Variants in OVOL2 observed in about 807,000 individuals in gnomAD.
The protein encoded by OVOL2 is ovo like zinc finger 2, also known as transcription factor Ovo-like 2.
Under a neutral mutation model 18.1 loss-of-function variants are expected in OVOL2, and 13 were observed. The observed-to-expected ratio is 0.72, with a 90% CI of 0.47 to 1.14. The LOEUF (loss-of-function observed/expected upper bound fraction) is 1.14, where lower values mean the gene tolerates loss of function less well. Ranked by LOEUF, OVOL2 falls within the 50% of genes most tolerant of loss-of-function variation. The probability of loss-of-function intolerance (pLI) is 0.00; values close to 1 mark genes in which losing one functional copy is unlikely to be tolerated. For synonymous variants in OVOL2, 166 were observed against 162.7 expected (o/e 1.02, Z -0.16); for missense variants, 335 against 383.0 (o/e 0.87, Z 1.05).
chr20:18,051,197 G>A (rs1009215783), intron 2 of OVOL2, among the ~76,000 whole-genome samples: 4 of 151,968 alleles, frequency 2.6e-5, no homozygotes, highest in African/African-American at 9.7e-5. Context: ...GCAACATAGT[G>A]AGGCCCTGTC....
chr20:18,036,918 C>T (rs1456908460), intron 3 of OVOL2, among the ~76,000 whole-genome samples: 3 of 152,074 alleles, frequency 2.0e-5, no homozygotes, highest in South Asian at 2.1e-4. Context: ...GGGCGGATCA[C>T]GAGGTCAGGA....
chr20:18,055,509 C>T (rs2036813147), intron 2 of OVOL2, among the ~76,000 whole-genome samples: 1 of 152,200 alleles, frequency 6.6e-6, no homozygotes, highest in South Asian at 2.1e-4. Context: ...GTTTCGGCAG[C>T]TTCTTCTTTA....
Position 18,056,586 on chromosome 20 carries a change from G to A in OVOL2, c.321+71C>T. 7.7e-7 allele frequency: 1 copy of A among 1,290,968 alleles called. No individual in the cohort carries two copies. The highest frequency in any genetic ancestry group is 3.2e-5 in the East Asian group (1 of 31,500). The allele number at this position is 1,290,968 out of a possible 1,614,324, so 80.0% of individuals were successfully genotyped here. A position where few individuals can be genotyped will look rare whatever the true frequency, so the allele number is the denominator to read the frequency against. On this transcript the variant is annotated intron_variant, in intron 2 of 3. Coordinates refer to ENST00000278780, the MANE Select transcript of OVOL2 (RefSeq NM_021220.4). The surrounding 1 kb of genome is among the most constrained non-coding windows in gnomAD (Gnocchi z 4.2). ...TTGCGCAGGCGGGCGCGGCAGGGAG[G>A]GGCGCCGGCCTCGGGAGCCCGACGC...
intron 2 of OVOL2, among the ~76,000 whole-genome samples, chr20:18,044,246 C>A (rs576886501): frequency 1.9e-4 from 29 of 152,292 alleles, no homozygotes; most frequent in African/African-American, 6.7e-4. Context: ...CTGATGCACA[C>A]GCCACACTAG....
chr20:18,041,789 A>G, intron 2 of OVOL2, 66 bp from the exon 3 acceptor site: 1 of 1,468,382 alleles, frequency 6.8e-7, no homozygotes, highest in Non-Finnish European at 9.3e-7. Context: ...CTCACTCAAG[A>G]GACCCACCTC....
intron 2 of OVOL2, among the ~76,000 whole-genome samples, chr20:18,054,288 G>A (rs186751697): frequency 4.4e-4 from 67 of 152,284 alleles, no homozygotes; most frequent in African/African-American, 1.3e-3. Flanking sequence ...ATGATTAACC[G>A]CTACTGCCAG....
chr20:18,037,705 G>A (rs187362308), intron 3 of OVOL2, among the ~76,000 whole-genome samples: 1 of 152,302 alleles, frequency 6.6e-6, no homozygotes, highest in East Asian at 1.9e-4. Context: ...GGACACCCAA[G>A]GAGGGATGGG....
chr20:18,055,330 G>C (rs1160235550), intron 2 of OVOL2, among the ~76,000 whole-genome samples: 1 of 152,130 alleles, frequency 6.6e-6, no homozygotes, highest in Non-Finnish European at 1.5e-5. Context: ...CTTCCAGCCT[G>C]GTGATAAATA....
intron 3 of OVOL2, among the ~76,000 whole-genome samples, chr20:18,037,291 C>T (rs1232681972): frequency 3.9e-5 from 6 of 152,232 alleles, no homozygotes; most frequent in African/African-American, 1.4e-4. Context: ...CCAGCCAGTT[C>T]TGGTTCCCAG....
chr20:18,039,249 C>T (rs902984880), intron 3 of OVOL2, among the ~76,000 whole-genome samples: 2 of 152,188 alleles, frequency 1.3e-5, no homozygotes, highest in Non-Finnish European at 2.9e-5. Context: ...TGTAAAACTT[C>T]CTAAATTTGC....
At chr20:18,034,318 C>T (rs2036595378) in intron 3 of OVOL2, among the ~76,000 whole-genome samples, 1 of 152,152 alleles carries the variant, frequency 6.6e-6, no homozygotes, top group Admixed American at 6.6e-5. Flanking sequence ...GTCCCTGCCC[C>T]CACCTTGCCT....
intron 3 of OVOL2, among the ~76,000 whole-genome samples, chr20:18,034,042 T>C (rs2036593393): frequency 6.6e-6 from 1 of 152,174 alleles, no homozygotes; most frequent in Non-Finnish European, 1.5e-5. Context: ...CAGGCAGAAT[T>C]TCCCATGTTG....
In OVOL2 at chr20:18,041,678, G is replaced by A. The variant is rs1207922065; in HGVS notation, c.367C>T (p.Leu123=). 6.2e-7 allele frequency: 1 copy of A among 1,613,972 alleles called. No individual in the cohort carries two copies. Among genetic ancestry groups the A allele is most frequent in the East Asian group, 2.2e-5 (1 of 44,852 alleles). ...CSDSVVHSCD[L]CGKGFRLQRM... ...TGCAGACGGAAGCCCTTGCCACACA[G>A]GTCACAGCTGTGAACCACCGAGTCG... The change falls in exon 3 of 4, where the codon CTG becomes TTG. Residue 123 remains leucine (L), a synonymous_variant. Coordinates refer to ENST00000278780, the MANE Select transcript of OVOL2 (RefSeq NM_021220.4).
intron 3 of OVOL2, among the ~76,000 whole-genome samples, chr20:18,033,840 A>G (rs1011254652): frequency 1.3e-5 from 2 of 152,170 alleles, no homozygotes; most frequent in African/African-American, 4.8e-5. Context: ...CGTTTACTTC[A>G]ACAGAGAACC....
At chr20:18,049,771 T>C (rs1358799060) in intron 2 of OVOL2, among the ~76,000 whole-genome samples, 1 of 152,182 alleles carries the variant, frequency 6.6e-6, no homozygotes, top group Non-Finnish European at 1.5e-5. Context: ...GCAAAACTTG[T>C]GCCTACAGTT....
intron 3 of OVOL2, among the ~76,000 whole-genome samples, chr20:18,037,150 A>AAAAAAAAAAAAGAAAG (rs751298916): frequency 6.8e-6 from 1 of 147,146 alleles, no homozygotes; most frequent in Non-Finnish European, 1.5e-5. Flanking sequence ...AAAAAAAAAA[A>AAAAAAAAAAAAGAAAG]AAAGAAAGAA....
At position 18,057,412 on chromosome 20, in the gene OVOL2, G is replaced by C; in HGVS notation, c.100+123C>G. On this transcript the variant is annotated intron_variant, in intron 1 of 3. Transcript: ENST00000278780. The surrounding 1 kb of genome is among the most constrained non-coding windows in gnomAD (Gnocchi z 6.3). Reference sequence around the variant, plus strand: ...CCTAACCCGCCTAGAAGACCCCCGCGTGCCCCCCGGAAGAGGGGGATGAGG... The same window carrying C: ...CCTAACCCGCCTAGAAGACCCCCGCCTGCCCCCCGGAAGAGGGGGATGAGG... The C allele has an allele frequency of 8.8e-7, 1 of 1,138,276 alleles. No individual in the cohort carries two copies. The highest frequency in any genetic ancestry group is 1.2e-6 in the Non-Finnish European group (1 of 810,648). The allele number at this position is 1,138,276 out of a possible 1,614,324, so 70.5% of individuals were successfully genotyped here. A position where few individuals can be genotyped will look rare whatever the true frequency, so the allele number is the denominator to read the frequency against.
At chr20:18,037,148 A>G (rs986743332) in intron 3 of OVOL2, among the ~76,000 whole-genome samples, 2 of 151,222 alleles carry the variant, frequency 1.3e-5, no homozygotes, top group Non-Finnish European at 3.0e-5. Flanking sequence ...AAAAAAAAAA[A>G]AAAAAGAAAG....
At chr20:18,041,762 C>A (rs1170878341) in intron 2 of OVOL2, 39 bp from the exon 3 acceptor site, 2 of 1,580,344 alleles carry the variant, frequency 1.3e-6, no homozygotes, top group African/African-American at 1.3e-5. Context: ...CCCGGGCAGG[C>A]AGGCACATCC....
Sources: allele counts gnomAD v4.1 joint callset (sites outside exome capture counted in the v4.1 genomes callset), GRCh38; gene constraint gnomAD v4.1.1; non-coding constraint Gnocchi (gnomAD v3.1); transcripts MANE v1.5; gene names NCBI Gene and HGNC (gene_info 2026-07-23, HGNC 2026-07-21).